Variants in DNAH7 observed in about 807,000 individuals in gnomAD.
DNAH7 encodes the protein dynein axonemal heavy chain 7.
Under a neutral mutation model 444.6 loss-of-function variants are expected in DNAH7, and 397 were observed. That is an observed-to-expected ratio of 0.89 (90% CI 0.82 to 0.97). The LOEUF (loss-of-function observed/expected upper bound fraction) is 0.97. Among genes scored for constraint, DNAH7 ranks in the 50% least tolerant of loss-of-function variants. The pLI, the probability that DNAH7 is intolerant of heterozygous loss-of-function variation, is 0.00. For missense variants in DNAH7, 4,902 were observed against 4,800.8 expected, an observed-to-expected ratio of 1.02 and a Z score of -0.62; for synonymous variants, 1,636 against 1,624.4, an observed-to-expected ratio of 1.01 and a Z score of -0.17.
At chr2:195,874,157 T>C (rs1473319173) in intron 38 of DNAH7, among the ~76,000 whole-genome samples, 1 of 152,066 alleles carries the variant, frequency 6.6e-6, no homozygotes, top group East Asian at 1.9e-4. Flanking sequence ...GCCAAATTCT[T>C]CCCCCACATC....
chr2:195,860,191 C>G (rs1039907782), intron 42 of DNAH7, among the ~76,000 whole-genome samples: 5 of 151,922 alleles, frequency 3.3e-5, no homozygotes, highest in Admixed American at 2.6e-4. Flanking sequence ...AACTTATAAC[C>G]AATAAGTTTA....
At chr2:196,021,434 G>A (rs867692951) in intron 8 of DNAH7, among the ~76,000 whole-genome samples, 3 of 152,070 alleles carry the variant, frequency 2.0e-5, no homozygotes, top group Admixed American at 6.5e-5. Flanking sequence ...AATTAAGCAC[G>A]TCACACAAAT....
chr2:195,770,370 AC>A (rs530999595), intron 61 of DNAH7, among the ~76,000 whole-genome samples: 30 of 152,172 alleles, frequency 2.0e-4, no homozygotes, highest in African/African-American at 7.0e-4. Flanking sequence ...AAAATTTAAG[AC>A]CCTAACTATG....
Position 195,876,602 on chromosome 2 carries a change from A to G in DNAH7, c.6059T>C (p.Met2020Thr), listed in dbSNP as rs10184131. The G allele has an allele frequency of 2.2e-3, 3,488 of 1,613,894 alleles. 70 individuals are homozygous for G. In the African/African-American group the frequency reaches 0.039, roughly 18 times the overall value. ...TTAAQTQNIV[M>T]SKLDKRRKGV... ...CTTTCTTCTCTTGTCCAATTTTGAC[A>G]TGACAATATTCTGAGTTTGAGCTGC... The change falls in exon 37 of 65, where the codon ATG (methionine) becomes ACG (threonine). Residue 2020 changes from methionine to threonine, a missense_variant. Physicochemically the swap from Met to Thr is moderately conservative, Grantham distance 81. Coordinates refer to ENST00000312428, the MANE Select transcript of DNAH7 (RefSeq NM_018897.3).
chr2:195,948,215 C>T (rs1046882607), intron 19 of DNAH7, among the ~76,000 whole-genome samples: 15 of 152,074 alleles, frequency 9.9e-5, no homozygotes, highest in African/African-American at 1.9e-4. Context: ...GGATAGATTG[C>T]AAAAATTTTC....
At chr2:195,817,311 C>T (rs1697272454) in intron 50 of DNAH7, among the ~76,000 whole-genome samples, 2 of 152,168 alleles carry the variant, frequency 1.3e-5, no homozygotes. Flanking sequence ...TTTACTCTTT[C>T]TACCTATGAT....
intron 15 of DNAH7, among the ~76,000 whole-genome samples, chr2:195,976,747 C>CAGAGAGACAGAGAGAGAGAGAGAGAGAG (rs1692216106): frequency 1.1e-5 from 1 of 90,542 alleles, no homozygotes; most frequent in African/African-American, 3.6e-5. Flanking sequence ...GAGAGGCAGA[C>CAGAGAGACAGAGAGAGAGAGAGAGAGAG]AGAGAGAGAG....
intron 20 of DNAH7, among the ~76,000 whole-genome samples, chr2:195,936,332 C>T (rs549819327): frequency 1.3e-5 from 2 of 152,206 alleles, no homozygotes; most frequent in East Asian, 3.9e-4. Flanking sequence ...CAAGGTCGCG[C>T]CATTGCACTC....
intron 21 of DNAH7, among the ~76,000 whole-genome samples, chr2:195,930,012 A>G (rs1688584937): frequency 1.3e-5 from 2 of 152,206 alleles, no homozygotes. Flanking sequence ...TAAGGAACTT[A>G]AACAATTGAA....
intron 5 of DNAH7, among the ~76,000 whole-genome samples, 157 bp from the exon 6 acceptor site, chr2:196,028,204 A>G (rs1002446328): frequency 6.6e-6 from 1 of 152,186 alleles, no homozygotes; most frequent in Admixed American, 6.5e-5. Flanking sequence ...GTTTGGTGCT[A>G]TATTCCTCTC....
intron 5 of DNAH7, among the ~76,000 whole-genome samples, chr2:196,045,104 A>AAGGAGG (rs890799579): frequency 2.0e-5 from 3 of 148,108 alleles, no homozygotes; most frequent in African/African-American, 7.4e-5. Context: ...GGAGAAGGTG[A>AAGGAGG]AGGAGGAGGA....
intron 46 of DNAH7, among the ~76,000 whole-genome samples, chr2:195,847,235 C>T (rs1032888787): frequency 2.7e-5 from 4 of 150,830 alleles, no homozygotes; most frequent in African/African-American, 7.3e-5. Flanking sequence ...GTATGTTCAT[C>T]GCAGCACTAT....
intron 24 of DNAH7, among the ~76,000 whole-genome samples, chr2:195,920,259 A>C (rs1457892622): frequency 6.6e-6 from 1 of 152,190 alleles, no homozygotes; most frequent in Non-Finnish European, 1.5e-5. Flanking sequence ...GCCAAAGCAA[A>C]ACTAAGTGAA....
intron 30 of DNAH7, 63 bp downstream of exon 30, chr2:195,894,913 T>C: frequency 1.5e-6 from 2 of 1,371,374 alleles, no homozygotes; most frequent in Non-Finnish European, 1.9e-6. Context: ...TTTAAAATAA[T>C]GGTACATTCT....
chr2:195,930,446 C>T (rs181194206), intron 21 of DNAH7, among the ~76,000 whole-genome samples: 1 of 152,130 alleles, frequency 6.6e-6, no homozygotes, highest in South Asian at 2.1e-4. Flanking sequence ...CACTAACCAT[C>T]AGAAAATATA....
chr2:195,927,727 A>G (rs1688433113), intron 21 of DNAH7, among the ~76,000 whole-genome samples: 4 of 151,386 alleles, frequency 2.6e-5, no homozygotes, highest in African/African-American at 9.7e-5. Flanking sequence ...GTCTATTATT[A>G]TATCTATGTT....
intron 61 of DNAH7, among the ~76,000 whole-genome samples, chr2:195,757,830 G>A (rs192575534): frequency 6.6e-6 from 1 of 152,270 alleles, no homozygotes; most frequent in Non-Finnish European, 1.5e-5. Flanking sequence ...GGGGCGAGGA[G>A]GGCAGTGTTA....
chr2:196,049,559 A>G (rs6434817), intron 3 of DNAH7, among the ~76,000 whole-genome samples: 100,872 of 152,052 alleles, frequency 0.66, 33,883 homozygotes, highest in Non-Finnish European at 0.71. Context: ...CTATCCAGGT[A>G]CAAACCTTAA....
intron 60 of DNAH7, 90 bp downstream of exon 60, chr2:195,775,756 T>C: frequency 2.2e-6 from 3 of 1,363,278 alleles, no homozygotes; most frequent in Non-Finnish European, 2.9e-6. Flanking sequence ...TGAACAGAAT[T>C]GTGTAAGGAA....
Sources: allele counts gnomAD v4.1 joint callset (sites outside exome capture counted in the v4.1 genomes callset), GRCh38; gene constraint gnomAD v4.1.1; transcripts MANE v1.5; gene names NCBI Gene and HGNC (gene_info 2026-07-23, HGNC 2026-07-21).